The following NAA35 variants were observed in gnomAD, a reference collection of about 807,000 sequenced individuals.
NAA35 encodes the protein MAK10 homolog, amino-acid N-acetyltransferase subunit.
NAA35 carries 18 observed loss-of-function variants against 101.7 expected under a neutral mutation model. The observed-to-expected ratio is 0.18, with a 90% CI of 0.12 to 0.26. The LOEUF is 0.26. Ranked by LOEUF, NAA35 falls within the 10% of genes least tolerant of loss-of-function variation. NAA35 has a pLI of 1.00. For synonymous variants in NAA35, 267 were observed against 273.1 expected (o/e 0.98, Z 0.22); for missense variants, 601 against 886.8 (o/e 0.68, Z 4.09).
At chr9:85,949,807 A>G (rs1431815382) in intron 2 of NAA35, among the ~76,000 whole-genome samples, 3 of 151,850 alleles carry the variant, frequency 2.0e-5, no homozygotes, top group African/African-American at 7.3e-5. Context: ...AGTAGAAGTA[A>G]CTTTAAAAAA....
At position 85,962,165 on chromosome 9, in the gene NAA35, T is replaced by A; in HGVS notation, c.501T>A (p.Ala167=). 1.2e-6 allele frequency: 2 copies of A among 1,613,796 alleles called. No individual in the cohort carries two copies. The highest frequency in any genetic ancestry group is 1.7e-6 in the Non-Finnish European group (2 of 1,179,910). ...TTGCAAGGGAAAAAGTAAATAAAGC[T>A]GCTGTTTTTGAAGAGGTAAGATTTC... ...CDIAREKVNK[A]AVFEEEDFQS... The change falls in exon 6 of 23, where the codon GCT becomes GCA. Residue 167 remains alanine (A), a synonymous_variant. Transcript: ENST00000361671.
intron 2 of NAA35, among the ~76,000 whole-genome samples, chr9:85,955,175 A>G (rs1347384320): frequency 6.6e-6 from 1 of 151,280 alleles, no homozygotes; most frequent in Non-Finnish European, 1.5e-5. Context: ...CTTCAGCCTT[A>G]TTGGTGTATT....
At chr9:86,002,860 A>G (rs1831474891) in intron 12 of NAA35, among the ~76,000 whole-genome samples, 1 of 152,162 alleles carries the variant, frequency 6.6e-6, no homozygotes, top group Non-Finnish European at 1.5e-5. Flanking sequence ...GTTCAGCCTG[A>G]TTAAGAACTC....
chr9:86,016,652 A>G lies in NAA35; in HGVS notation c.1682A>G (p.Lys561Arg). The G allele has an allele frequency of 6.2e-7, 1 of 1,613,340 alleles. No homozygotes were observed. Among genetic ancestry groups the G allele is most frequent in the East Asian group, 2.2e-5 (1 of 44,858 alleles). The change falls in exon 18 of 23, where the codon AAA becomes AGA. Residue 561 changes from lysine to arginine, a missense_variant. Physicochemically the swap from Lys to Arg is conservative, Grantham distance 26. This residue lies in a region of NAA35 where 99 missense variants were observed against 206.7 expected (regional missense o/e 0.48). Transcript: ENST00000361671. Reference protein sequence around the residue: ...MEEQQKGRSSKKTKKKKKVRP... With the variant: ...MEEQQKGRSSRKTKKKKKVRP... Reference sequence around the variant, plus strand: ...GAGCAGCAGAAAGGCCGTAGTAGTAAAAAAACAAAGAAAAAAAAGAAAGGT... The same window carrying G: ...GAGCAGCAGAAAGGCCGTAGTAGTAGAAAAACAAAGAAAAAAAAGAAAGGT...
intron 4 of NAA35, among the ~76,000 whole-genome samples, chr9:85,959,393 A>C (rs1318890981): frequency 1.3e-5 from 2 of 151,426 alleles, no homozygotes; most frequent in African/African-American, 2.4e-5. Context: ...AAAAAAACAA[A>C]AAAAAAAACT....
chr9:85,963,857 T>G (rs1194184089), intron 6 of NAA35, among the ~76,000 whole-genome samples: 1 of 152,198 alleles, frequency 6.6e-6, no homozygotes, highest in Non-Finnish European at 1.5e-5. Context: ...TCATTTCATA[T>G]CAAAATTTCA....
rs971384677 is a variant in NAA35, at chr9:86,016,911, C to T, written c.1705+236C>T. On this transcript the variant is annotated intron_variant, in intron 18 of 22. Coordinates refer to ENST00000361671, the MANE Select transcript of NAA35 (RefSeq NM_024635.4). ...AGAATCTTTGATCAAGAAGTAGCCA[C>T]GTGGAGTGTGCAAGCAAGATATCGG... Among the ~76,000 whole-genome samples the T allele has an allele frequency of 7.2e-5, 11 of 152,288 alleles. 1 individual carries two copies. Among genetic ancestry groups the T allele is most frequent in the East Asian group, 5.8e-4 (3 of 5,190 alleles).
At chr9:86,010,296 A>C (rs1480115503) in intron 15 of NAA35, among the ~76,000 whole-genome samples, 1 of 152,036 alleles carries the variant, frequency 6.6e-6, no homozygotes, top group Non-Finnish European at 1.5e-5. Context: ...CAATTCCTTC[A>C]GTGTCTGTGC....
intron 11 of NAA35, among the ~76,000 whole-genome samples, chr9:85,992,283 TA>T (rs1347700423): frequency 2.0e-5 from 3 of 152,152 alleles, no homozygotes; most frequent in Admixed American, 6.5e-5. Flanking sequence ...AGCAAAAACT[TA>T]AGCATCAAAG....
chr9:85,945,644 G>A (rs1828728993), intron 2 of NAA35, among the ~76,000 whole-genome samples: 1 of 151,518 alleles, frequency 6.6e-6, no homozygotes, highest in African/African-American at 2.4e-5. Context: ...TCAGCCTCCC[G>A]AGTAGCTGGG....
At chr9:86,010,054 C>T (rs915702299) in intron 15 of NAA35, 123 bp downstream of exon 15, 4 of 707,168 alleles carry the variant, frequency 5.7e-6, no homozygotes, top group African/African-American at 3.6e-5. Context: ...AGTTTGAGAC[C>T]AGCCTGGCCA....
At position 85,978,290 on chromosome 9, in the gene NAA35, A is replaced by G. The variant is rs1830298183; in HGVS notation, c.786A>G (p.Gln262=). The change falls in exon 11 of 23, where the codon CAA becomes CAG. Residue 262 remains glutamine (Q), a synonymous_variant. Transcript: ENST00000361671. ...KKETSAVAEA[Q]KLMVQAADLL... ...AGACCAGTGCTGTTGCAGAAGCTCA[A>G]AAATTGATGGTTCAAGCAGCAGATC... is the stretch of plus-strand genomic sequence containing the variant. 2.5e-6 allele frequency: 4 copies of G among 1,613,050 alleles called. No individual in the cohort carries two copies. The highest frequency in any genetic ancestry group is 2.2e-5 in the East Asian group (1 of 44,842).
rs748377451 is a variant in NAA35, at chr9:86,018,365, C to T, written c.1884C>T (p.Thr628=). 15 of 1,613,362 alleles carry T rather than the reference C, an allele frequency of 9.3e-6. No homozygotes were observed. The Admixed American group carries it at 2.0e-4, about 22-fold the overall frequency. ...TTGCTCCATTCAACAGTGTGATGAC[C>T]CCGCCGCCAGTGCACTACTTACAGT... is the stretch of plus-strand genomic sequence containing the variant. ...HRFAPFNSVM[T]PPPVHYLQFK... is the part of the protein sequence containing the mutation. The change falls in exon 20 of 23, where the codon ACC becomes ACT. Residue 628 remains threonine, a synonymous_variant. Transcript: ENST00000361671.
intron 21 of NAA35, among the ~76,000 whole-genome samples, chr9:86,019,671 C>A (rs1334458250): frequency 1.3e-5 from 2 of 152,088 alleles, no homozygotes; most frequent in Non-Finnish European, 2.9e-5. Flanking sequence ...TATTGAAATA[C>A]ATTTATTTTC....
chr9:85,979,301 A>G (rs1205652710), intron 11 of NAA35, among the ~76,000 whole-genome samples: 1 of 152,168 alleles, frequency 6.6e-6, no homozygotes, highest in Non-Finnish European at 1.5e-5. Flanking sequence ...ATTTGTCCCA[A>G]TTGGCTAGCA....
chr9:86,005,066 A>G (rs1049692483), intron 13 of NAA35, among the ~76,000 whole-genome samples: 1 of 152,188 alleles, frequency 6.6e-6, no homozygotes, highest in African/African-American at 2.4e-5. Flanking sequence ...ACAAACACAG[A>G]TGTAAAAATC....
chr9:85,966,958 T>G (rs1829768089), intron 6 of NAA35, among the ~76,000 whole-genome samples: 1 of 152,000 alleles, frequency 6.6e-6, no homozygotes, highest in South Asian at 2.1e-4. Flanking sequence ...AATACAAAAA[T>G]TAGCTAGGCG....
intron 1 of NAA35, chr9:85,941,674 G>C (rs1293457266): frequency 1.0e-6 from 1 of 986,032 alleles, no homozygotes; most frequent in Admixed American, 6.1e-5. Context: ...TGCTCCCGGC[G>C]AGGTTCTGCC....
Position 86,018,732 on chromosome 9 carries a change from C to T in NAA35, c.1948C>T (p.Pro650Ser). 2 of 1,614,070 alleles carry T rather than the reference C, an allele frequency of 1.2e-6. No individual in the cohort carries two copies. The highest frequency in any genetic ancestry group is 1.1e-5 in the South Asian group (1 of 91,062). Residue 650 changes from proline (P) to serine (S), a missense_variant, in exon 21 of 23, where the codon CCT becomes TCT. Physicochemically the swap from Pro to Ser is moderately conservative, Grantham distance 74. Coordinates refer to ENST00000361671, the MANE Select transcript of NAA35 (RefSeq NM_024635.4). ...TGACCTCAATAAATATAGCCCTCCT[C>T]CTCAGTCTCCTGAACTGTATGTGGC... Reference protein sequence around the residue: ...MSDLNKYSPPPQSPELYVAAS... With the variant: ...MSDLNKYSPPSQSPELYVAAS...
Sources: allele counts gnomAD v4.1 joint callset (sites outside exome capture counted in the v4.1 genomes callset), GRCh38; gene constraint gnomAD v4.1.1; regional missense constraint gnomAD v4.1.1; transcripts MANE v1.5; gene names NCBI Gene and HGNC (gene_info 2026-07-23, HGNC 2026-07-21).